UNC13C: variants seen among roughly 807,000 people sequenced by gnomAD.
UNC13C encodes the protein protein unc-13 homolog C.
In UNC13C, 174 loss-of-function variants were observed where a neutral mutation model predicts 245.4. The ratio of observed to expected loss-of-function variants is 0.71; its 90% CI spans 0.63 to 0.80. UNC13C has a LOEUF of 0.80. Among genes scored for constraint, UNC13C ranks in the 30% least tolerant of loss-of-function variants. The pLI, the probability that UNC13C is intolerant of heterozygous loss-of-function variation, is 0.00. For missense variants in UNC13C, 2,829 were observed against 2,602.9 expected, an observed-to-expected ratio of 1.09 and a Z score of -1.89; for synonymous variants, 992 against 895.1, an observed-to-expected ratio of 1.11 and a Z score of -1.93.
intron 19 of UNC13C, among the ~76,000 whole-genome samples, chr15:54,437,269 A>G (rs1890269023): frequency 6.6e-6 from 1 of 152,000 alleles, no homozygotes; most frequent in African/African-American, 2.4e-5. Context: ...TGCTCATAAT[A>G]TTTTAGTCAC....
chr15:54,440,152 G>C (rs923353513), intron 19 of UNC13C, among the ~76,000 whole-genome samples: 1 of 151,924 alleles, frequency 6.6e-6, no homozygotes, highest in Non-Finnish European at 1.5e-5. Context: ...TAAGTGTCTA[G>C]AATTTCTCCT....
chr15:54,620,148 T>C (rs1900702553), intron 30 of UNC13C, among the ~76,000 whole-genome samples: 1 of 152,112 alleles, frequency 6.6e-6, no homozygotes, highest in Admixed American at 6.6e-5. Context: ...GAGAGTCTAG[T>C]AAATGTTTCC....
chr15:54,332,534 C>T (rs1000251515), intron 15 of UNC13C, among the ~76,000 whole-genome samples: 2 of 151,958 alleles, frequency 1.3e-5, no homozygotes, highest in East Asian at 3.9e-4. Flanking sequence ...TCTCTTTCCT[C>T]CTGGATCGTG....
chr15:54,114,780 T>C (rs1031519809), intron 2 of UNC13C, among the ~76,000 whole-genome samples: 2 of 152,204 alleles, frequency 1.3e-5, no homozygotes, highest in Non-Finnish European at 2.9e-5. Context: ...CTTCAGAATC[T>C]TTGTATAAAT....
chr15:54,375,729 T>G (rs1398248881), intron 17 of UNC13C, among the ~76,000 whole-genome samples: 1 of 152,168 alleles, frequency 6.6e-6, no homozygotes, highest in Non-Finnish European at 1.5e-5. Flanking sequence ...AAATTAATTC[T>G]GCCAACAATG....
the UNC13C span, among the ~76,000 whole-genome samples, chr15:53,918,161 C>T: frequency 6.6e-6 from 1 of 152,330 alleles, no homozygotes; most frequent in African/African-American, 2.4e-5. Context: ...TCAACCCTTT[C>T]TTCCCCTGCG....
At chr15:54,407,655 T>C (rs2040325023) in intron 18 of UNC13C, among the ~76,000 whole-genome samples, 1 of 152,066 alleles carries the variant, frequency 6.6e-6, no homozygotes, top group African/African-American at 2.4e-5. Flanking sequence ...TGTTTTATAA[T>C]GGAAAAAAAC....
chr15:54,449,718 A>G lies in UNC13C; in HGVS notation c.4933+34651A>G, dbSNP rs141978172. On this transcript the variant is annotated intron_variant, in intron 19 of 32. Transcript: ENST00000260323. Reference sequence around the variant, plus strand: ...TTTTTAACTTCTTTGCAATGGGTTCAAACTTCCTCCTTTAGCTTGGAGAAG... The same window carrying G: ...TTTTTAACTTCTTTGCAATGGGTTCGAACTTCCTCCTTTAGCTTGGAGAAG... 5.0e-3 allele frequency among the ~76,000 whole-genome samples: 765 copies of G among 152,254 alleles called. 6 individuals are homozygous for G. The highest frequency in any genetic ancestry group is 0.017 in the African/African-American group (715 of 41,560).
At chr15:54,472,036 C>T (rs953173288) in intron 19 of UNC13C, among the ~76,000 whole-genome samples, 1 of 151,716 alleles carries the variant, frequency 6.6e-6, no homozygotes, top group Non-Finnish European at 1.5e-5. Flanking sequence ...TCCTTTATTC[C>T]TTTCTGTACC....
chr15:54,006,661 A>T (rs979917817), intron 1 of UNC13C, among the ~76,000 whole-genome samples: 1 of 152,198 alleles, frequency 6.6e-6, no homozygotes, highest in African/African-American at 2.4e-5. Context: ...TGACCTGATA[A>T]AGACATTCTA....
At chr15:54,009,610 G>T (rs1895293112) in intron 1 of UNC13C, among the ~76,000 whole-genome samples, 1 of 150,534 alleles carries the variant, frequency 6.6e-6, no homozygotes, top group African/African-American at 2.4e-5. Flanking sequence ...GCAGTGGCGT[G>T]ATCTCGGCTT....
intron 19 of UNC13C, among the ~76,000 whole-genome samples, chr15:54,451,721 T>C (rs1034679379): frequency 6.6e-6 from 1 of 152,244 alleles, no homozygotes; most frequent in African/African-American, 2.4e-5. Context: ...ACTGACCTTA[T>C]TTAATATCAT....
chr15:54,530,287 T>C (rs1410178144), intron 25 of UNC13C, among the ~76,000 whole-genome samples: 1 of 152,230 alleles, frequency 6.6e-6, no homozygotes, highest in Admixed American at 6.5e-5. Context: ...GGAGTTGCCA[T>C]TTGTGTGTTT....
chr15:54,076,041 T>A lies in UNC13C; in HGVS notation c.2983+60155T>A, dbSNP rs188780979. Among the ~76,000 whole-genome samples the A allele has an allele frequency of 1.7e-3, 248 of 147,376 alleles. 4 individuals are homozygous for A. The highest frequency in any genetic ancestry group is 0.015 in the Admixed American group (221 of 14,590). On this transcript the variant is annotated intron_variant, in intron 2 of 32. Transcript: ENST00000260323. ...GTCTTCTAGAGTTCTAGGTCACCTC[T>A]TTCTGCTCCTTCACTTAGATTCTTT...
At chr15:53,862,471 A>T in the UNC13C span, among the ~76,000 whole-genome samples, 2 of 152,050 alleles carry the variant, frequency 1.3e-5, no homozygotes, top group African/African-American at 4.8e-5. Flanking sequence ...AGTCTTGGAA[A>T]GTTTCTTAAG....
chr15:53,855,345 G>C, the UNC13C span, among the ~76,000 whole-genome samples: 1 of 152,126 alleles, frequency 6.6e-6, no homozygotes, highest in African/African-American at 2.4e-5. Context: ...AGTAGGAGTG[G>C]TTAGAGACGG....
chr15:54,239,098 A>G (rs2035783778), intron 7 of UNC13C, among the ~76,000 whole-genome samples: 1 of 152,126 alleles, frequency 6.6e-6, no homozygotes, highest in South Asian at 2.1e-4. Flanking sequence ...AATATATCCT[A>G]CCTCCCCAAT....
chr15:53,908,100 T>G, the UNC13C span, among the ~76,000 whole-genome samples: 1 of 146,870 alleles, frequency 6.8e-6, no homozygotes, highest in African/African-American at 2.4e-5. Context: ...GCATTTCTTA[T>G]AAATGTCAAC....
At chr15:54,594,907 C>T (rs1465481148) in intron 30 of UNC13C, among the ~76,000 whole-genome samples, 1 of 152,216 alleles carries the variant, frequency 6.6e-6, no homozygotes, top group Non-Finnish European at 1.5e-5. Flanking sequence ...GGGACCGGAG[C>T]ATCGGAGGCT....
Sources: allele counts gnomAD v4.1 joint callset (sites outside exome capture counted in the v4.1 genomes callset), GRCh38; gene constraint gnomAD v4.1.1; transcripts MANE v1.5; gene names NCBI Gene and HGNC (gene_info 2026-07-23, HGNC 2026-07-21).